Variants in TEX9 observed in about 807,000 individuals in gnomAD.
The protein encoded by TEX9 is testis expressed 9.
In TEX9, 74 loss-of-function variants were observed where a neutral mutation model predicts 59.6. The ratio of observed to expected loss-of-function variants is 1.24; its 90% confidence interval spans 1.03 to 1.51. The LOEUF (loss-of-function observed/expected upper bound fraction) is 1.51, where lower values mean the gene tolerates loss of function less well. TEX9 is among the 40% of genes most tolerant of loss of function. The pLI is 0.00. For synonymous variants in TEX9, 186 were observed against 152.2 expected, an observed-to-expected ratio of 1.22 and a Z score of -1.64; for missense variants, 522 against 447.8, an observed-to-expected ratio of 1.17 and a Z score of -1.49.
chr15:56,286,777 C>T (rs2044963000), intron 1 of TEX9, among the ~76,000 whole-genome samples: 1 of 152,164 alleles, frequency 6.6e-6, no homozygotes, highest in African/African-American at 2.4e-5. Flanking sequence ...TAGCCAATCT[C>T]GTGACTGATG....
chr15:56,399,961 C>T (rs1364548231), intron 9 of TEX9, among the ~76,000 whole-genome samples: 1 of 152,190 alleles, frequency 6.6e-6, no homozygotes, highest in Non-Finnish European at 1.5e-5. Context: ...AGGACATCTA[C>T]ACCAAAACCC....
chr15:56,449,800 TTATC>T (rs1397810611), downstream of TEX9, among the ~76,000 whole-genome samples: 11 of 152,320 alleles, frequency 7.2e-5, no homozygotes, highest in African/African-American at 2.4e-4. Flanking sequence ...TGCTAAGAAT[TTATC>T]TATTTCATTT....
At chr15:56,429,097 GATATCATTTCTCTTCAC>G in intron 12 of TEX9, 1 of 1,562,394 alleles carries the variant, frequency 6.4e-7, no homozygotes, top group Non-Finnish European at 8.7e-7. Context: ...CAATTTTGAT[GATATCATTTCTCTTCAC>G]AAATTTCACT....
intron 10 of TEX9, among the ~76,000 whole-genome samples, chr15:56,417,665 T>C (rs527472223): frequency 6.6e-6 from 1 of 152,024 alleles, no homozygotes; most frequent in East Asian, 1.9e-4. Flanking sequence ...GTATATTGTG[T>C]TGTTTTTGGG....
At chr15:56,321,514 A>G (rs925038320) in intron 1 of TEX9, among the ~76,000 whole-genome samples, 9 of 152,298 alleles carry the variant, frequency 5.9e-5, no homozygotes, top group African/African-American at 1.9e-4. Flanking sequence ...AAATACTGCA[A>G]TTAGTATTAA....
chr15:56,360,768 A>G (rs1356910424), upstream of TEX9, among the ~76,000 whole-genome samples: 3 of 152,194 alleles, frequency 2.0e-5, no homozygotes, highest in Non-Finnish European at 4.4e-5. Context: ...TGTCTGGTCC[A>G]TATACAACAG....
rs568114876 is a variant in TEX9 at position 56,420,258 on chromosome 15, T to C, written c.964-7347T>C. ...TTTTTATTGATTTCTGCTCTTCTAT[T>C]TCTTTCCCTCTCCTTACTTTTGGGT... On this transcript the variant is annotated intron_variant, in intron 10 of 12. Transcript: ENST00000352903. 2.0e-5 allele frequency among the ~76,000 whole-genome samples: 3 copies of C among 151,832 alleles called. No individual in the cohort carries two copies. The South Asian group carries it at 6.2e-4, about 32-fold the overall frequency.
intron 1 of TEX9, among the ~76,000 whole-genome samples, chr15:56,256,963 AG>A (rs2044158597): frequency 6.6e-6 from 1 of 151,650 alleles, no homozygotes; most frequent in Non-Finnish European, 1.5e-5. Context: ...CATAGGCCCC[AG>A]TGTGTTCTAT....
chr15:56,334,747 T>C (rs1307502558), intron 1 of TEX9, among the ~76,000 whole-genome samples: 1 of 152,138 alleles, frequency 6.6e-6, no homozygotes, highest in Non-Finnish European at 1.5e-5. Context: ...ATTTGCCAAC[T>C]ATCCATCTGA....
rs2142202934 is a variant in TEX9 at position 56,386,320 on chromosome 15, G to A, written c.264-2152G>A. On this transcript the variant is annotated intron_variant, in intron 4 of 12. Transcript: ENST00000352903. The stretch of plus-strand genomic sequence containing the variant: ...GAACACAAGGGAACTTTTTGAGATG[G>A]TGGAAATACTCTCTGTCTTGGTGGT... Among the ~76,000 whole-genome samples, 2 of 151,932 alleles carry A rather than the reference G, an allele frequency of 1.3e-5. 1 individual carries two copies. The highest frequency in any genetic ancestry group is 4.2e-4 in the South Asian group (2 of 4,802).
intron 9 of TEX9, among the ~76,000 whole-genome samples, chr15:56,410,529 A>T (rs56824866): frequency 0.026 from 3,998 of 152,122 alleles, 173 homozygotes; most frequent in African/African-American, 0.092. Flanking sequence ...ATTTTTGTCT[A>T]GCAACCTGTA....
At chr15:56,380,322 T>C (rs1417477377) in intron 3 of TEX9, among the ~76,000 whole-genome samples, 1 of 152,204 alleles carries the variant, frequency 6.6e-6, no homozygotes, top group Non-Finnish European at 1.5e-5. Context: ...ACTTTACTTT[T>C]ATCTCCCTAG....
intron 1 of TEX9, among the ~76,000 whole-genome samples, chr15:56,290,459 G>A (rs2718947): frequency 0.6 from 90,631 of 151,790 alleles, 27,623 homozygotes; most frequent in East Asian, 0.88. Context: ...GCCCCCCCCA[G>A]TTTTTTTCAA....
At chr15:56,310,330 G>T (rs1483069567) in intron 1 of TEX9, among the ~76,000 whole-genome samples, 2 of 152,200 alleles carry the variant, frequency 1.3e-5, no homozygotes, top group African/African-American at 4.8e-5. Context: ...TATTTGGGAG[G>T]CTGAGGCATG....
intron 12 of TEX9, among the ~76,000 whole-genome samples, chr15:56,438,341 T>C (rs1263313464): frequency 1.3e-5 from 2 of 151,860 alleles, no homozygotes; most frequent in Non-Finnish European, 2.9e-5. Flanking sequence ...TCTTTTTTTT[T>C]GTTACAAAAA....
chr15:56,343,403 C>A (rs1252013409), intron 1 of TEX9, among the ~76,000 whole-genome samples: 1 of 151,682 alleles, frequency 6.6e-6, no homozygotes, highest in African/African-American at 2.4e-5. Context: ...GAACAGAAAT[C>A]AATAAAACAG....
At chr15:56,428,235 TTAAGAGTATA>T in intron 11 of TEX9, 122 bp from the exon 12 acceptor site, 1 of 619,340 alleles carries the variant, frequency 1.6e-6, no homozygotes, top group South Asian at 2.2e-5. Context: ...CTTATTGGAA[TTAAGAGTATA>T]CATTCCTACA....
intron 12 of TEX9, among the ~76,000 whole-genome samples, chr15:56,432,559 A>G (rs1406871507): frequency 6.6e-6 from 1 of 152,206 alleles, no homozygotes; most frequent in Non-Finnish European, 1.5e-5. Context: ...AACTAAGCCG[A>G]CAGCTTCATA....
intron 9 of TEX9, among the ~76,000 whole-genome samples, chr15:56,400,404 A>G (rs1248273741): frequency 6.6e-6 from 1 of 152,198 alleles, no homozygotes; most frequent in Non-Finnish European, 1.5e-5. Flanking sequence ...GATCTAATTA[A>G]TGAAATAAAG....
Sources: gnomAD v4.1 joint callset for allele counts (sites outside exome capture counted in the v4.1 genomes callset) on GRCh38, gnomAD v4.1.1 for gene constraint, MANE v1.5 for transcripts, NCBI Gene and HGNC (gene_info 2026-07-23, HGNC 2026-07-21) for gene names.